Variants in CCDC178 observed in about 807,000 individuals in gnomAD.
CCDC178 encodes coiled-coil domain containing 178, also known as coiled-coil domain-containing protein 178.
Under a neutral mutation model 117.4 loss-of-function variants are expected in CCDC178, and 126 were observed. That is an observed-to-expected ratio of 1.07 (90% confidence interval 0.93 to 1.24). The LOEUF is 1.24. Ranked by LOEUF, CCDC178 falls within the 50% of genes most tolerant of loss-of-function variation. CCDC178 has a pLI of 0.00. For missense variants in CCDC178, 1,030 were observed against 986.9 expected, an observed-to-expected ratio of 1.04 and a Z score of -0.59; for synonymous variants, 283 against 313.4, an observed-to-expected ratio of 0.90 and a Z score of 1.02.
chr18:33,333,508 T>A (rs1177452121), intron 9 of CCDC178, 114 bp from the exon 10 acceptor site: 22 of 88,130 alleles, frequency 2.5e-4, no homozygotes, highest in East Asian at 6.0e-4. Flanking sequence ...TCTTACTACT[T>A]TTTTTTTTTT....
intron 20 of CCDC178, among the ~76,000 whole-genome samples, chr18:33,196,522 G>T (rs1464782089): frequency 6.6e-6 from 1 of 152,080 alleles, no homozygotes. Context: ...TTGAACCTCA[G>T]GGTACTTGTG....
At chr18:33,197,735 A>G (rs867360757) in intron 20 of CCDC178, among the ~76,000 whole-genome samples, 22 of 152,256 alleles carry the variant, frequency 1.4e-4, no homozygotes, top group Admixed American at 2.6e-4. Flanking sequence ...TCAGAATTCA[A>G]CTCTAAACTT....
chr18:33,216,663 T>A (rs1184427508), intron 18 of CCDC178, among the ~76,000 whole-genome samples: 2 of 152,142 alleles, frequency 1.3e-5, no homozygotes, highest in African/African-American at 4.8e-5. Flanking sequence ...TGTTTTACTA[T>A]AAAACCTTAC....
intron 3 of CCDC178, among the ~76,000 whole-genome samples, chr18:33,405,012 A>C (rs1401804630): frequency 6.6e-6 from 1 of 152,046 alleles, no homozygotes; most frequent in East Asian, 1.9e-4. Flanking sequence ...AGTGGTTATG[A>C]AAGTGTTCTA....
intron 21 of CCDC178, among the ~76,000 whole-genome samples, chr18:32,989,902 G>A (rs1306351418): frequency 6.6e-6 from 1 of 152,104 alleles, no homozygotes; most frequent in African/African-American, 2.4e-5. Flanking sequence ...ATAATTTACT[G>A]TTAAGTTACA....
intron 20 of CCDC178, among the ~76,000 whole-genome samples, chr18:33,133,868 G>A (rs562287612): frequency 1.1e-4 from 16 of 152,058 alleles, no homozygotes; most frequent in African/African-American, 3.4e-4. Context: ...ATAAAAGTAA[G>A]TAGATATCAT....
intron 21 of CCDC178, among the ~76,000 whole-genome samples, chr18:33,070,711 A>G (rs2057093495): frequency 6.6e-6 from 1 of 152,054 alleles, no homozygotes; most frequent in Non-Finnish European, 1.5e-5. Flanking sequence ...GAGGTGATGG[A>G]TATCTTAAAT....
At chr18:33,369,143 G>T (rs141256262) in intron 6 of CCDC178, among the ~76,000 whole-genome samples, 2 of 151,772 alleles carry the variant, frequency 1.3e-5, no homozygotes, top group African/African-American at 4.8e-5. Context: ...AAACAACAAA[G>T]GTAACACAAT....
intron 21 of CCDC178, among the ~76,000 whole-genome samples, chr18:33,090,834 C>T (rs271469): frequency 0.14 from 21,673 of 152,184 alleles, 2,396 homozygotes; most frequent in African/African-American, 0.31. Context: ...CCCAATCTCC[C>T]AGCAATCTCC....
At chr18:33,275,653 GGAGGGGA>G (rs1219289937) in intron 12 of CCDC178, among the ~76,000 whole-genome samples, 1 of 111,620 alleles carries the variant, frequency 9.0e-6, no homozygotes, top group Non-Finnish European at 1.8e-5. Flanking sequence ...GTAGGAAAGG[GGAGGGGA>G]GGGGGGAGGG....
chr18:33,233,499 C>T (rs551946964), intron 15 of CCDC178, among the ~76,000 whole-genome samples: 1 of 152,008 alleles, frequency 6.6e-6, no homozygotes, highest in South Asian at 2.1e-4. Flanking sequence ...TTATGTTCAA[C>T]GTGTTGTTTA....
chr18:32,955,269 A>G (rs1451030057), intron 22 of CCDC178, among the ~76,000 whole-genome samples: 4 of 152,208 alleles, frequency 2.6e-5, no homozygotes, highest in Non-Finnish European at 4.4e-5. Flanking sequence ...ACCATCTGCA[A>G]GATTAAGCTC....
At chr18:33,131,292 T>A (rs1003592466) in intron 20 of CCDC178, among the ~76,000 whole-genome samples, 1 of 151,748 alleles carries the variant, frequency 6.6e-6, no homozygotes, top group Non-Finnish European at 1.5e-5. Flanking sequence ...CTAAATTATA[T>A]CAAGATAATG....
At chr18:33,218,426 C>A (rs2059193602) in intron 18 of CCDC178, among the ~76,000 whole-genome samples, 1 of 152,108 alleles carries the variant, frequency 6.6e-6, no homozygotes, top group Non-Finnish European at 1.5e-5. Context: ...ATGGTAGTTT[C>A]TTTTGCTGTG....
chr18:33,173,498 A>G (rs1170460957), intron 20 of CCDC178, among the ~76,000 whole-genome samples: 2 of 152,190 alleles, frequency 1.3e-5, no homozygotes, highest in Non-Finnish European at 2.9e-5. Flanking sequence ...TAAAAAGAAA[A>G]GCTGCCATAA....
intron 6 of CCDC178, among the ~76,000 whole-genome samples, chr18:33,369,750 A>G (rs1027373312): frequency 6.6e-6 from 1 of 151,996 alleles, no homozygotes; most frequent in Non-Finnish European, 1.5e-5. Flanking sequence ...GTATGTAAAT[A>G]CTACTTAATT....
chr18:33,149,774 C>G (rs762648118), intron 20 of CCDC178, among the ~76,000 whole-genome samples: 71 of 152,288 alleles, frequency 4.7e-4, no homozygotes, highest in Middle Eastern at 3.4e-3. Flanking sequence ...AAATTAAACA[C>G]TATGTATTTG....
intron 11 of CCDC178, among the ~76,000 whole-genome samples, chr18:33,309,238 T>C (rs1434662785): frequency 3.3e-5 from 5 of 151,910 alleles, no homozygotes; most frequent in African/African-American, 9.7e-5. Context: ...CTGCTAAAAC[T>C]TGTGAATCAG....
chr18:33,278,214 G>A (rs1321153968), intron 12 of CCDC178, among the ~76,000 whole-genome samples: 2 of 138,388 alleles, frequency 1.4e-5, no homozygotes, highest in South Asian at 2.4e-4. Flanking sequence ...ACTTTCCAAT[G>A]ATCCTAAAAT....
Sources: gnomAD v4.1 joint callset for allele counts (sites outside exome capture counted in the v4.1 genomes callset) on GRCh38, gnomAD v4.1.1 for gene constraint, MANE v1.5 for transcripts, NCBI Gene and HGNC (gene_info 2026-07-23, HGNC 2026-07-21) for gene names.